ADARB2: variants seen among roughly 807,000 people sequenced by gnomAD.
ADARB2 encodes inactive double-stranded RNA-specific editase B2.
A neutral mutation model predicts 62.2 loss-of-function variants in ADARB2; 25 were observed. That is an observed-to-expected ratio of 0.40 (90% confidence interval 0.29 to 0.56). The LOEUF is 0.56. Among genes scored for constraint, ADARB2 ranks in the 20% least tolerant of loss-of-function variants. The pLI is 0.43. For missense variants in ADARB2, 1,071 were observed against 1,077.4 expected, an observed-to-expected ratio of 0.99 and a Z score of 0.08; for synonymous variants, 572 against 500.8, an observed-to-expected ratio of 1.14 and a Z score of -1.90.
intron 4 of ADARB2, among the ~76,000 whole-genome samples, chr10:1,260,205 G>C (rs1831122784): frequency 6.6e-6 from 1 of 152,066 alleles, no homozygotes. Context: ...ATACTGAATG[G>C]ACAAAAACTG....
intron 3 of ADARB2, 98 bp downstream of exon 3, chr10:1,362,930 T>C: frequency 8.7e-7 from 1 of 1,150,106 alleles, no homozygotes; most frequent in South Asian, 3.2e-5. Flanking sequence ...CCTCTCCTTC[T>C]CCGAGAAGCC....
intron 3 of ADARB2, among the ~76,000 whole-genome samples, chr10:1,343,298 T>C (rs1368456064): frequency 6.6e-6 from 1 of 151,854 alleles, no homozygotes. Flanking sequence ...GAAATGCAAA[T>C]CAAAACCACA....
chr10:1,442,056 C>T (rs1192537612), intron 1 of ADARB2, among the ~76,000 whole-genome samples: 1 of 152,208 alleles, frequency 6.6e-6, no homozygotes, highest in Non-Finnish European at 1.5e-5. Context: ...GGATCTTTCT[C>T]TAACTTGCCC....
intron 4 of ADARB2, among the ~76,000 whole-genome samples, chr10:1,257,581 C>T (rs893869929): frequency 1.3e-5 from 2 of 152,212 alleles, no homozygotes; most frequent in African/African-American, 4.8e-5. Context: ...GAGCGCTGTG[C>T]ATGAGGACTT....
intron 3 of ADARB2, among the ~76,000 whole-genome samples, chr10:1,357,986 G>A (rs543942031): frequency 1.3e-5 from 2 of 152,332 alleles, no homozygotes; most frequent in African/African-American, 4.8e-5. Flanking sequence ...TCTCTCTGGT[G>A]TAGATCTATA....
chr10:1,556,106 T>C (rs1166000738), intron 1 of ADARB2, among the ~76,000 whole-genome samples: 1 of 152,114 alleles, frequency 6.6e-6, no homozygotes, highest in African/African-American at 2.4e-5. Context: ...CCTCACACTG[T>C]TTAATATGAT....
intron 3 of ADARB2, 67 bp from the exon 4 acceptor site, chr10:1,271,136 G>T (rs889592784): frequency 2.1e-5 from 26 of 1,243,354 alleles, no homozygotes; most frequent in Non-Finnish European, 2.8e-5. Context: ...ATGGGGCACT[G>T]TCCTCCCCGT....
At chr10:1,612,819 G>A (rs1237461407) in intron 1 of ADARB2, among the ~76,000 whole-genome samples, 3 of 152,164 alleles carry the variant, frequency 2.0e-5, no homozygotes, top group Non-Finnish European at 4.4e-5. Context: ...TAATATCCTC[G>A]TTTTGCCTCT....
At chr10:1,615,152 A>G (rs567669935) in intron 1 of ADARB2, among the ~76,000 whole-genome samples, 1 of 152,348 alleles carries the variant, frequency 6.6e-6, no homozygotes, top group East Asian at 1.9e-4. Context: ...AAAAATTACA[A>G]TAGTGAGAAC....
chr10:1,288,986 C>T (rs1360655630), intron 3 of ADARB2, among the ~76,000 whole-genome samples: 1 of 152,156 alleles, frequency 6.6e-6, no homozygotes, highest in Non-Finnish European at 1.5e-5. Flanking sequence ...GGGGGTCGGA[C>T]ATGCCTCATG....
At chr10:1,677,421 G>A (rs1314218240) in intron 1 of ADARB2, among the ~76,000 whole-genome samples, 1 of 152,208 alleles carries the variant, frequency 6.6e-6, no homozygotes, top group African/African-American at 2.4e-5. Context: ...GTGCTGCCTG[G>A]TTGGGCGGAG....
At chr10:1,620,743 C>A (rs892314133) in intron 1 of ADARB2, among the ~76,000 whole-genome samples, 2 of 152,156 alleles carry the variant, frequency 1.3e-5, no homozygotes, top group Non-Finnish European at 2.9e-5. Flanking sequence ...AATCAAGCAC[C>A]ATATGAAAAG....
chr10:1,259,245 C>A (rs533845278), intron 4 of ADARB2, among the ~76,000 whole-genome samples: 21 of 152,114 alleles, frequency 1.4e-4, no homozygotes, highest in African/African-American at 4.8e-4. Context: ...AAGAACTAGA[C>A]AAGCAAGAGC....
At chr10:1,375,145 C>G (rs769234959) in intron 2 of ADARB2, among the ~76,000 whole-genome samples, 1 of 152,172 alleles carries the variant, frequency 6.6e-6, no homozygotes, top group Non-Finnish European at 1.5e-5. Context: ...CTTTTCAGCA[C>G]AACTCCAGGG....
intron 3 of ADARB2, among the ~76,000 whole-genome samples, chr10:1,350,124 A>G (rs1275700279): frequency 3.9e-5 from 6 of 152,162 alleles, no homozygotes; most frequent in Non-Finnish European, 8.8e-5. Context: ...CAAACTTGAC[A>G]ATGGCTCTAA....
intron 4 of ADARB2, among the ~76,000 whole-genome samples, chr10:1,254,914 G>A (rs1189037838): frequency 6.6e-6 from 1 of 152,266 alleles, no homozygotes; most frequent in Non-Finnish European, 1.5e-5. Flanking sequence ...GTGGGCAACT[G>A]ATTAGTGAAT....
rs1832896887 is a variant in ADARB2, at chr10:1,426,799, C to T, written c.101-47639G>A. 6.6e-6 allele frequency among the ~76,000 whole-genome samples: 1 copy of T among 152,348 alleles called. No homozygotes were observed. Among genetic ancestry groups the T allele is most frequent in the African/African-American group, 2.4e-5 (1 of 41,590 alleles). Reference sequence around the variant, plus strand: ...CCTGACGGCGCTTACTCCACCACTGCATCCCTTCTATACCCTGCTTCTCCC... The same window carrying T: ...CCTGACGGCGCTTACTCCACCACTGTATCCCTTCTATACCCTGCTTCTCCC... On this transcript the variant is annotated intron_variant, in intron 1 of 9. Coordinates refer to ENST00000381312, the MANE Select transcript of ADARB2 (RefSeq NM_018702.4). The surrounding 1 kb of genome is among the most constrained non-coding windows in gnomAD (Gnocchi z 4.1).
Position 1,217,036 on chromosome 10 carries a change from G to A in ADARB2, c.1597C>T (p.Arg533Cys), listed in dbSNP as rs1214688837. 1 of 1,611,418 alleles carries A rather than the reference G, an allele frequency of 6.2e-7. No individual in the cohort carries two copies. The highest frequency in any genetic ancestry group is 8.5e-7 in the Non-Finnish European group (1 of 1,179,284). ...CAGGTCTGCACTGCGCTGGGGCCAC[G>A]CACGGGGACCGTCCCTTCCCCGGAC... ...IESGEGTVPVRGPSAVQTWDG... is the reference protein window; with the variant it reads ...IESGEGTVPVCGPSAVQTWDG... The change falls in exon 7 of 10, where the codon CGT becomes TGT. Residue 533 changes from arginine (R) to cysteine (C), a missense_variant. Physicochemically the swap from Arg to Cys is radical, Grantham distance 180. Coordinates refer to ENST00000381312, the MANE Select transcript of ADARB2 (RefSeq NM_018702.4).
At chr10:1,342,554 G>A (rs1832040396) in intron 3 of ADARB2, among the ~76,000 whole-genome samples, 1 of 152,232 alleles carries the variant, frequency 6.6e-6, no homozygotes, top group South Asian at 2.1e-4. Context: ...CAGACCCATG[G>A]GAGGAGAGTA....
Sources: allele counts gnomAD v4.1 joint callset (sites outside exome capture counted in the v4.1 genomes callset), GRCh38; gene constraint gnomAD v4.1.1; non-coding constraint Gnocchi (gnomAD v3.1); transcripts MANE v1.5; gene names NCBI Gene and HGNC (gene_info 2026-07-23, HGNC 2026-07-21).